MINAR1: variants seen among roughly 807,000 people sequenced by gnomAD.
MINAR1 encodes major intrinsically disordered Notch2-binding receptor 1.
In MINAR1, 40 loss-of-function variants were observed where a neutral mutation model predicts 65.1. The observed-to-expected ratio is 0.61, with a 90% confidence interval of 0.48 to 0.80. The LOEUF is 0.80. MINAR1 is among the 30% of genes least tolerant of loss of function. MINAR1 has a pLI of 0.00. For synonymous variants in MINAR1, 482 were observed against 449.1 expected, an observed-to-expected ratio of 1.07 and a Z score of -0.93; for missense variants, 1,128 against 1,148.0, an observed-to-expected ratio of 0.98 and a Z score of 0.25.
At chr15:79,420,353 C>G in the MINAR1 span, 1 of 152,094 alleles carries the variant, frequency 6.6e-6, no homozygotes, top group Non-Finnish European at 1.5e-5. Context: ...ATGTGAAATA[C>G]CAGTATTTTA....
intron 3 of MINAR1, among the ~76,000 whole-genome samples, chr15:79,467,936 C>T (rs1595958688): frequency 6.6e-6 from 1 of 152,016 alleles, no homozygotes; most frequent in African/African-American, 2.4e-5. Context: ...GATAAAAGAC[C>T]CTTGGGTTTC....
intron 3 of MINAR1, among the ~76,000 whole-genome samples, chr15:79,467,414 T>C (rs561814135): frequency 1.3e-5 from 2 of 152,350 alleles, no homozygotes; most frequent in South Asian, 4.1e-4. Context: ...TTCATGGAAA[T>C]AGATTATAAC....
chr15:79,432,569 A>C (rs1208329875), intron 1 of MINAR1, 29 bp downstream of exon 1: 1 of 149,042 alleles, frequency 6.7e-6, no homozygotes, highest in Non-Finnish European at 1.5e-5. Context: ...GGCCGGGCGG[A>C]GGGCGGGAGC....
intron 1 of MINAR1, among the ~76,000 whole-genome samples, chr15:79,434,925 C>T (rs1894552515): frequency 6.6e-6 from 1 of 152,116 alleles, no homozygotes; most frequent in South Asian, 2.1e-4. Context: ...GGATTTGTTT[C>T]CCCTCTTTTT....
intron 1 of MINAR1, among the ~76,000 whole-genome samples, chr15:79,443,788 A>G (rs1747425954): frequency 6.6e-6 from 1 of 152,122 alleles, no homozygotes; most frequent in Non-Finnish European, 1.5e-5. Context: ...TTATGAACCT[A>G]TGTGCATGCT....
At chr15:79,448,605 G>A (rs1895087856) in intron 1 of MINAR1, among the ~76,000 whole-genome samples, 1 of 152,216 alleles carries the variant, frequency 6.6e-6, no homozygotes, top group African/African-American at 2.4e-5. Flanking sequence ...TTTCGTGAGC[G>A]TGAAATGAGA....
At chr15:79,451,440 G>A (rs1895196998) in intron 1 of MINAR1, among the ~76,000 whole-genome samples, 1 of 152,158 alleles carries the variant, frequency 6.6e-6, no homozygotes, top group Non-Finnish European at 1.5e-5. Context: ...GCCGGCGTGG[G>A]TGAGCAGGAC....
At chr15:79,459,375 C>T (rs1276026481) in intron 2 of MINAR1, among the ~76,000 whole-genome samples, 1 of 152,176 alleles carries the variant, frequency 6.6e-6, no homozygotes, top group East Asian at 1.9e-4. Flanking sequence ...TGCACACATA[C>T]ACTTGAATCC....
chr15:79,446,651 T>C (rs1487403126), intron 1 of MINAR1, among the ~76,000 whole-genome samples: 1 of 152,196 alleles, frequency 6.6e-6, no homozygotes, highest in Non-Finnish European at 1.5e-5. Flanking sequence ...ATATGATGTG[T>C]TTAGGTATCT....
chr15:79,413,172 C>G, the MINAR1 span: 2 of 152,228 alleles, frequency 1.3e-5, no homozygotes, highest in Non-Finnish European at 2.9e-5. Flanking sequence ...TACCTTCTTT[C>G]TCCAAATGAC....
chr15:79,467,257 TAAAC>T (rs1413724251), intron 3 of MINAR1, among the ~76,000 whole-genome samples: 4 of 152,370 alleles, frequency 2.6e-5, no homozygotes, highest in Non-Finnish European at 4.4e-5. Flanking sequence ...TTATGAGCAT[TAAAC>T]AATCTAAGAA....
chr15:79,465,664 CTGTT>C (rs542034186), intron 3 of MINAR1, among the ~76,000 whole-genome samples: 2 of 152,198 alleles, frequency 1.3e-5, no homozygotes, highest in East Asian at 1.9e-4. Context: ...CATTTAGACA[CTGTT>C]TGGCTTCTGG....
the MINAR1 span, chr15:79,416,207 T>G: frequency 6.6e-6 from 1 of 152,256 alleles, no homozygotes; most frequent in African/African-American, 2.4e-5. Context: ...TAGCCAAAGC[T>G]GCCACAGACA....
chr15:79,417,439 G>A, the MINAR1 span: 2 of 152,148 alleles, frequency 1.3e-5, no homozygotes, highest in African/African-American at 2.4e-5. Flanking sequence ...TCCCGAAGAC[G>A]GGCTTCTCCT....
chr15:79,454,126 A>C (rs1455313461), intron 1 of MINAR1, among the ~76,000 whole-genome samples: 1 of 152,214 alleles, frequency 6.6e-6, no homozygotes, highest in Non-Finnish European at 1.5e-5. Context: ...GAATGCTTCC[A>C]TCAGACGGAT....
chr15:79,468,266 A>G lies in MINAR1; in HGVS notation c.2633A>G (p.Lys878Arg), dbSNP rs1362883449. 2.5e-6 allele frequency: 4 copies of G among 1,614,014 alleles called. No homozygotes were observed. The highest frequency in any genetic ancestry group is 2.5e-6 in the Non-Finnish European group (3 of 1,179,926). Residue 878 changes from lysine to arginine, a missense_variant, in exon 4 of 4, where the codon AAA becomes AGA. Transcript: ENST00000305428. ...ACTCCAGGATACGATTCATTACTAA[A>G]ACGTAAAGAAGCCGAATTCAGACGA... ...IYTPGYDSLL[K>R]RKEAEFRRAK... is the part of the protein sequence containing the mutation.
intron 2 of MINAR1, among the ~76,000 whole-genome samples, 175 bp downstream of exon 2, chr15:79,458,620 C>T (rs1262845761): frequency 2.0e-5 from 3 of 152,166 alleles, no homozygotes; most frequent in African/African-American, 7.2e-5. Context: ...ATAGGCAGGT[C>T]GTGTGTTCCA....
chr15:79,468,484 T>A lies in MINAR1; in HGVS notation c.*100T>A. On this transcript the variant is annotated 3_prime_UTR_variant, in exon 4 of 4. Transcript: ENST00000305428. ...AGGCAACAATTTGTTGAAATGGAGA[T>A]GAAATCATGGAGGCATTTCTACAAA... is the stretch of plus-strand genomic sequence containing the variant. The A allele has an allele frequency of 9.3e-7, 1 of 1,076,750 alleles. No homozygotes were observed. Among genetic ancestry groups the A allele is most frequent in the Non-Finnish European group, 1.3e-6 (1 of 748,048 alleles). The allele number at this position is 1,076,750 out of a possible 1,614,324, so 66.7% of individuals were successfully genotyped here.
At chr15:79,450,298 C>A (rs540739189) in intron 1 of MINAR1, among the ~76,000 whole-genome samples, 1 of 152,250 alleles carries the variant, frequency 6.6e-6, no homozygotes, top group Non-Finnish European at 1.5e-5. Flanking sequence ...TGTGCCTAGC[C>A]CAGTCTCATG....
Sources: allele counts gnomAD v4.1 joint callset (sites outside exome capture counted in the v4.1 genomes callset), GRCh38; gene constraint gnomAD v4.1.1; transcripts MANE v1.5; gene names NCBI Gene and HGNC (gene_info 2026-07-23, HGNC 2026-07-21).